The following AKAP19 variants were observed in gnomAD, a reference collection of about 807,000 sequenced individuals.
AKAP19 encodes the protein A-kinase anchoring protein 19.
At chr2:189,908,191 A>G in the AKAP19 span, among the ~76,000 whole-genome samples, 5 of 127,000 alleles carry the variant, frequency 3.9e-5, no homozygotes, top group African/African-American at 8.3e-5. Context: ...GATGTTTATT[A>G]CTATATACTT....
At chr2:189,899,442 A>G in the AKAP19 span, among the ~76,000 whole-genome samples, 1 of 152,138 alleles carries the variant, frequency 6.6e-6, no homozygotes, top group Non-Finnish European at 1.5e-5. Flanking sequence ...ATGTTTCCTA[A>G]GCTACTCTGT....
chr2:189,930,345 C>A, the AKAP19 span: 4 of 576,568 alleles, frequency 6.9e-6, no homozygotes, highest in South Asian at 7.5e-5. Context: ...ATCTACCAGT[C>A]ATAATACAGT....
At chr2:190,179,426 A>G in the AKAP19 span, among the ~76,000 whole-genome samples, 1 of 152,204 alleles carries the variant, frequency 6.6e-6, no homozygotes, top group East Asian at 1.9e-4. The surrounding 1 kb of genome is among the most constrained non-coding windows in gnomAD (Gnocchi z 6.0). Context: ...GAAAAAAAAA[A>G]TGATACTTAT....
chr2:190,054,474 G>A, the AKAP19 span, among the ~76,000 whole-genome samples: 2 of 152,092 alleles, frequency 1.3e-5, no homozygotes, highest in East Asian at 1.9e-4. Flanking sequence ...GGCAACAAAA[G>A]CCAAAATTGA....
chr2:190,161,807 C>A, the AKAP19 span, among the ~76,000 whole-genome samples: 1 of 151,982 alleles, frequency 6.6e-6, no homozygotes, highest in Non-Finnish European at 1.5e-5. Context: ...CCCTCTCAGC[C>A]ACGAAAAAGA....
the AKAP19 span, among the ~76,000 whole-genome samples, chr2:189,901,251 T>A: frequency 9.6e-4 from 146 of 152,186 alleles, 1 homozygote; most frequent in South Asian, 1.9e-3. Flanking sequence ...GTTTTTTTTT[T>A]AAACGATTTT....
At chr2:189,883,089 G>T in the AKAP19 span, among the ~76,000 whole-genome samples, 2 of 152,024 alleles carry the variant, frequency 1.3e-5, no homozygotes, top group Non-Finnish European at 2.9e-5. Context: ...TGTCCCAGTG[G>T]TTATCAACTT....
At chr2:190,155,050 G>T in the AKAP19 span, among the ~76,000 whole-genome samples, 3 of 152,172 alleles carry the variant, frequency 2.0e-5, no homozygotes, top group Non-Finnish European at 4.4e-5. Flanking sequence ...TACATGGATG[G>T]CTATTCAGTG....
the AKAP19 span, among the ~76,000 whole-genome samples, chr2:190,179,518 C>T: frequency 9.2e-5 from 14 of 152,208 alleles, no homozygotes; most frequent in African/African-American, 3.1e-4. The surrounding 1 kb of genome is among the most constrained non-coding windows in gnomAD (Gnocchi z 6.0). Flanking sequence ...ATCATACTAG[C>T]ATGAAGAAAA....
At chr2:189,959,787 C>G in the AKAP19 span, among the ~76,000 whole-genome samples, 2 of 152,082 alleles carry the variant, frequency 1.3e-5, no homozygotes, top group African/African-American at 4.8e-5. Context: ...ACTTGTAACT[C>G]AACAAAATAT....
the AKAP19 span, among the ~76,000 whole-genome samples, chr2:190,176,240 C>T: frequency 2.6e-5 from 4 of 152,284 alleles, no homozygotes; most frequent in South Asian, 8.3e-4. This position sits in a 1 kb window ranked among gnomAD's most constrained non-coding sequence, Gnocchi z 4.7. Context: ...AGGTCTTTCC[C>T]ACAGTGTCAT....
the AKAP19 span, among the ~76,000 whole-genome samples, chr2:190,104,731 G>C: frequency 6.6e-6 from 1 of 152,068 alleles, no homozygotes; most frequent in Non-Finnish European, 1.5e-5. Context: ...TTGAGGCTGA[G>C]TGAGCCATGA....
chr2:190,003,865 T>TA, the AKAP19 span, among the ~76,000 whole-genome samples: 1 of 151,574 alleles, frequency 6.6e-6, no homozygotes, highest in East Asian at 1.9e-4. Context: ...AGACTCTGTA[T>TA]AAAGAGAAAA....
the AKAP19 span, among the ~76,000 whole-genome samples, chr2:190,089,348 A>G: frequency 6.6e-6 from 1 of 151,948 alleles, no homozygotes; most frequent in Admixed American, 6.6e-5. Flanking sequence ...TTGATTAGCT[A>G]TGTTTAATTT....
the AKAP19 span, among the ~76,000 whole-genome samples, chr2:189,916,328 TC>T: frequency 2.2e-4 from 24 of 107,320 alleles, no homozygotes; most frequent in African/African-American, 7.3e-4. Context: ...TTCTTTTTCT[TC>T]TTTTTTTTTT....
At chr2:189,999,545 T>C in the AKAP19 span, among the ~76,000 whole-genome samples, 1 of 152,240 alleles carries the variant, frequency 6.6e-6, no homozygotes, top group South Asian at 2.1e-4. Flanking sequence ...TATTATAGTC[T>C]GATGTGACTT....
chr2:190,102,970 C>A, the AKAP19 span, among the ~76,000 whole-genome samples: 17 of 152,112 alleles, frequency 1.1e-4, no homozygotes, highest in Non-Finnish European at 1.9e-4. Flanking sequence ...CCAAATCCAG[C>A]AGCACATCAA....
the AKAP19 span, among the ~76,000 whole-genome samples, chr2:189,918,376 T>G: frequency 2.6e-5 from 4 of 152,158 alleles, no homozygotes; most frequent in African/African-American, 9.6e-5. Context: ...TTTTCCTTCA[T>G]CTGAGAATGG....
the AKAP19 span, among the ~76,000 whole-genome samples, chr2:190,194,510 AC>A: frequency 6.7e-6 from 1 of 150,372 alleles, no homozygotes; most frequent in African/African-American, 2.4e-5. Context: ...ACACACACAC[AC>A]ACACACACGC....
Sources: gnomAD v4.1 joint callset for allele counts (sites outside exome capture counted in the v4.1 genomes callset) on GRCh38, gnomAD v4.1.1 for gene constraint, Gnocchi (gnomAD v3.1) non-coding constraint, MANE v1.5 for transcripts, NCBI Gene and HGNC (gene_info 2026-07-23, HGNC 2026-07-21) for gene names.